NR3C2: variants seen among roughly 807,000 people sequenced by gnomAD.
NR3C2 encodes nuclear receptor subfamily 3 group C member 2, also known as mineralocorticoid receptor.
NR3C2 carries 15 observed loss-of-function variants against 86.4 expected under a neutral mutation model. The ratio of observed to expected loss-of-function variants is 0.17; its 90% CI spans 0.12 to 0.27. The LOEUF is 0.27. NR3C2 is among the 10% of genes least tolerant of loss of function. The pLI is 1.00. For missense variants in NR3C2, 960 were observed against 1,195.6 expected (o/e 0.80, Z 2.91); for synonymous variants, 458 against 450.5 (o/e 1.02, Z -0.21).
At chr4:148,276,042 C>G (rs1314144812) in intron 2 of NR3C2, among the ~76,000 whole-genome samples, 1 of 152,146 alleles carries the variant, frequency 6.6e-6, no homozygotes, top group Non-Finnish European at 1.5e-5. Flanking sequence ...CCCCCTTACT[C>G]TTACAATGTG....
chr4:148,301,257 G>A (rs1742324081), intron 2 of NR3C2, among the ~76,000 whole-genome samples: 1 of 152,020 alleles, frequency 6.6e-6, no homozygotes, highest in Non-Finnish European at 1.5e-5. Flanking sequence ...ACTTAAAGAA[G>A]GATAAGTGCT....
chr4:148,318,585 A>G (rs9683768), intron 2 of NR3C2, among the ~76,000 whole-genome samples: 51,090 of 151,488 alleles, frequency 0.34, 9,844 homozygotes, highest in African/African-American at 0.53. Context: ...GTGTGAGATG[A>G]TATCTCATTG....
At chr4:148,168,383 C>T (rs139330256) in intron 4 of NR3C2, among the ~76,000 whole-genome samples, 158 of 152,266 alleles carry the variant, frequency 1.0e-3, no homozygotes, top group Non-Finnish European at 1.7e-3. Context: ...AAGGACCTCA[C>T]GAAACACCCA....
chr4:148,330,556 A>AT (rs1744179860), intron 2 of NR3C2, among the ~76,000 whole-genome samples: 1 of 152,202 alleles, frequency 6.6e-6, no homozygotes, highest in South Asian at 2.1e-4. Context: ...TCTTTCACTG[A>AT]TTTTAATAAA....
chr4:148,200,112 T>C (rs1736645044), intron 3 of NR3C2, among the ~76,000 whole-genome samples: 1 of 152,190 alleles, frequency 6.6e-6, no homozygotes, highest in Non-Finnish European at 1.5e-5. Flanking sequence ...AAGTGTTCAG[T>C]AAGCAACTGG....
intron 2 of NR3C2, among the ~76,000 whole-genome samples, chr4:148,336,198 A>G (rs1311592736): frequency 1.3e-5 from 2 of 152,188 alleles, no homozygotes; most frequent in Non-Finnish European, 2.9e-5. Context: ...CAAGGGAAGC[A>G]TGCCTTTGAG....
At chr4:148,249,919 T>A (rs1173825211) in intron 3 of NR3C2, among the ~76,000 whole-genome samples, 4 of 152,156 alleles carry the variant, frequency 2.6e-5, no homozygotes, top group Non-Finnish European at 5.9e-5. Context: ...TTTCTTGATG[T>A]GGATTTGGTT....
chr4:148,121,267 G>C (rs1192082225), intron 6 of NR3C2, among the ~76,000 whole-genome samples: 3 of 152,148 alleles, frequency 2.0e-5, no homozygotes, highest in African/African-American at 7.2e-5. Context: ...TCTTTTGCAG[G>C]ATGGATTCTG....
intron 3 of NR3C2, among the ~76,000 whole-genome samples, chr4:148,245,861 A>G (rs1238599604): frequency 2.0e-5 from 3 of 152,230 alleles, no homozygotes; most frequent in Non-Finnish European, 4.4e-5. Context: ...ATTTTGTATG[A>G]TCTACATTAC....
At chr4:148,419,371 T>G (rs1473219295) in intron 2 of NR3C2, among the ~76,000 whole-genome samples, 1 of 152,206 alleles carries the variant, frequency 6.6e-6, no homozygotes, top group Admixed American at 6.5e-5. Flanking sequence ...TCTGAAGCTA[T>G]AAGCAAAATT....
At chr4:148,082,058 CTT>C (rs1286306192) in intron 8 of NR3C2, among the ~76,000 whole-genome samples, 2 of 152,364 alleles carry the variant, frequency 1.3e-5, no homozygotes, top group African/African-American at 4.8e-5. Flanking sequence ...CCCAGGCCCT[CTT>C]TCCTTCTTTG....
chr4:148,438,231 C>A (rs1186068387), intron 1 of NR3C2, among the ~76,000 whole-genome samples: 1 of 152,084 alleles, frequency 6.6e-6, no homozygotes, highest in Non-Finnish European at 1.5e-5. Flanking sequence ...GTATCCCTAA[C>A]CCCTACCCAC....
chr4:148,276,220 A>G (rs1740954327), intron 2 of NR3C2, among the ~76,000 whole-genome samples: 1 of 152,194 alleles, frequency 6.6e-6, no homozygotes, highest in Non-Finnish European at 1.5e-5. Flanking sequence ...GGGGGACACC[A>G]GAAGAGTGAG....
At chr4:148,125,299 C>A (rs149484830) in intron 6 of NR3C2, among the ~76,000 whole-genome samples, 38 of 152,338 alleles carry the variant, frequency 2.5e-4, no homozygotes, top group African/African-American at 9.1e-4. Flanking sequence ...GCCATGCTGG[C>A]TGGTTGGTTT....
chr4:148,226,857 A>G (rs1457377239), intron 3 of NR3C2, among the ~76,000 whole-genome samples: 4 of 152,148 alleles, frequency 2.6e-5, no homozygotes, highest in Admixed American at 6.5e-5. Flanking sequence ...GCATTTTTAA[A>G]ATGTGCTTAT....
intron 2 of NR3C2, among the ~76,000 whole-genome samples, chr4:148,434,021 T>A (rs1206358489): frequency 1.3e-5 from 2 of 152,166 alleles, no homozygotes; most frequent in Non-Finnish European, 2.9e-5. Context: ...TTTTTGCTTT[T>A]GGTTTGGAAA....
chr4:148,419,041 C>G (rs1749142594), intron 2 of NR3C2, among the ~76,000 whole-genome samples: 1 of 152,082 alleles, frequency 6.6e-6, no homozygotes, highest in African/African-American at 2.4e-5. Flanking sequence ...TCAAATGTAT[C>G]TCTAGCCTGT....
At chr4:148,118,923 C>T (rs1216036008) in intron 7 of NR3C2, among the ~76,000 whole-genome samples, 3 of 152,152 alleles carry the variant, frequency 2.0e-5, no homozygotes, top group Non-Finnish European at 2.9e-5. Flanking sequence ...TCCACAGGCT[C>T]CCAGCAGGTC....
rs537839125 is a variant in NR3C2, at chr4:148,332,034, T to G, written c.1758-71917A>C. Among the ~76,000 whole-genome samples, 22 of 152,318 alleles carry G rather than the reference T, an allele frequency of 1.4e-4. No individual in the cohort carries two copies. In the East Asian group the frequency reaches 4.2e-3, roughly 29 times the overall value. On this transcript the variant is annotated intron_variant, in intron 2 of 8. Coordinates refer to ENST00000358102, the MANE Select transcript of NR3C2 (RefSeq NM_000901.5). ...ATAAACTCTGAATTGGAAAGAATTT[T>G]CTGAAAGCAGAAATACTAAAGATAC...
Sources: allele counts gnomAD v4.1 joint callset (sites outside exome capture counted in the v4.1 genomes callset), GRCh38; gene constraint gnomAD v4.1.1; transcripts MANE v1.5; gene names NCBI Gene and HGNC (gene_info 2026-07-23, HGNC 2026-07-21).